ANKRD30B: variants seen among roughly 807,000 people sequenced by gnomAD.
ANKRD30B encodes ankyrin repeat domain 30B, also known as ankyrin repeat domain-containing protein 30B.
Under a neutral mutation model 202.2 loss-of-function variants are expected in ANKRD30B, and 144 were observed. The ratio of observed to expected loss-of-function variants is 0.71; its 90% confidence interval spans 0.62 to 0.82. ANKRD30B has a LOEUF of 0.82. Ranked by LOEUF, ANKRD30B falls within the 40% of genes least tolerant of loss-of-function variation. ANKRD30B has a pLI of 0.00. For missense variants in ANKRD30B, 1,487 were observed against 1,669.1 expected (o/e 0.89, Z 1.90); for synonymous variants, 508 against 561.3 (o/e 0.91, Z 1.34).
chr18:14,830,842 T>TCA, intron 33 of ANKRD30B, among the ~76,000 whole-genome samples: 1 of 152,256 alleles, frequency 6.6e-6, no homozygotes, highest in South Asian at 2.1e-4. Context: ...CATTGGATGT[T>TCA]ACAGGTTGGA....
chr18:14,935,224 G>A, the ANKRD30B span, among the ~76,000 whole-genome samples: 1 of 152,232 alleles, frequency 6.6e-6, no homozygotes, highest in Non-Finnish European at 1.5e-5. Flanking sequence ...AATGGAGAGG[G>A]GTATGTAAGA....
chr18:14,884,439 C>A, the ANKRD30B span, among the ~76,000 whole-genome samples: 2 of 151,914 alleles, frequency 1.3e-5, no homozygotes, highest in African/African-American at 4.8e-5. Context: ...TATGAGAAAA[C>A]AAATATTTGT....
At chr18:14,819,015 C>T (rs1433042435) in intron 30 of ANKRD30B, among the ~76,000 whole-genome samples, 1 of 152,186 alleles carries the variant, frequency 6.6e-6, no homozygotes, top group East Asian at 1.9e-4. Flanking sequence ...ACATCCTCTC[C>T]AGCACCTGTG....
At chr18:14,865,232 C>T in the ANKRD30B span, among the ~76,000 whole-genome samples, 1 of 151,808 alleles carries the variant, frequency 6.6e-6, no homozygotes, top group African/African-American at 2.4e-5. Context: ...CCCTCTTTAT[C>T]CTTCTCCCAC....
the ANKRD30B span, among the ~76,000 whole-genome samples, chr18:14,925,018 T>G: frequency 6.6e-6 from 1 of 152,214 alleles, no homozygotes; most frequent in South Asian, 2.1e-4. Context: ...GGGCAGAATT[T>G]CCAAAGGCTT....
intron 15 of ANKRD30B, among the ~76,000 whole-genome samples, chr18:14,788,185 G>C (rs1819975154): frequency 6.6e-6 from 1 of 152,098 alleles, no homozygotes; most frequent in Non-Finnish European, 1.5e-5. Context: ...AGTAGAAAAT[G>C]TATTGTATTT....
Position 14,757,866 on chromosome 18 carries a change from G to T in ANKRD30B, c.669G>T (p.Met223Ile), listed in dbSNP as rs778232290. The T allele has an allele frequency of 1.2e-5, 20 of 1,613,664 alleles. No individual in the cohort carries two copies. The highest frequency in any genetic ancestry group is 1.6e-5 in the Non-Finnish European group (19 of 1,179,886). ...ICEGSSEIVG[M>I]LLQQNVDVFA... is the part of the protein sequence containing the mutation. ...AAGGCTCATCAGAGATAGTCGGCAT[G>T]CTTCTTCAGCAAAATGTTGACGTCT... Residue 223 changes from methionine to isoleucine, a missense_variant, in exon 5 of 44, where the codon ATG (methionine) becomes ATT (isoleucine). Met to Ile is a conservative substitution (Grantham distance 10). Around this residue, in one of 6 missense-constraint regions of ANKRD30B, gnomAD observed 889 missense variants for 841.4 expected, o/e 1.06. Coordinates refer to ENST00000690538, the MANE Select transcript of ANKRD30B (RefSeq NM_001367607.2).
chr18:14,794,646 G>A (rs1968751234), intron 16 of ANKRD30B, among the ~76,000 whole-genome samples: 1 of 152,086 alleles, frequency 6.6e-6, no homozygotes, highest in African/African-American at 2.4e-5. Flanking sequence ...AATTAAAGCG[G>A]GTTTTTATTT....
chr18:14,794,809 A>G (rs1968764184), intron 16 of ANKRD30B, among the ~76,000 whole-genome samples: 1 of 152,174 alleles, frequency 6.6e-6, no homozygotes, highest in African/African-American at 2.4e-5. Flanking sequence ...TGATCAATCA[A>G]CTCCAAAGGA....
At chr18:14,833,228 G>T (rs1971030107) in intron 34 of ANKRD30B, among the ~76,000 whole-genome samples, 1 of 149,794 alleles carries the variant, frequency 6.7e-6, no homozygotes, top group African/African-American at 2.5e-5. Context: ...GAACCACCGC[G>T]TCCAGCCGAA....
chr18:14,797,127 A>G (rs1317763068), intron 18 of ANKRD30B, among the ~76,000 whole-genome samples: 1 of 152,158 alleles, frequency 6.6e-6, no homozygotes, highest in East Asian at 1.9e-4. Context: ...AGAAGGGAGT[A>G]TGCCTTAACC....
At chr18:14,753,637 T>C (rs552002197) in intron 3 of ANKRD30B, among the ~76,000 whole-genome samples, 1 of 152,300 alleles carries the variant, frequency 6.6e-6, no homozygotes, top group South Asian at 2.1e-4. Context: ...TTTACATTAA[T>C]TCATTAATAC....
intron 26 of ANKRD30B, 95 bp downstream of exon 26, chr18:14,808,839 A>C: frequency 1.6e-6 from 2 of 1,249,582 alleles, no homozygotes. Flanking sequence ...TTTTCTTTAG[A>C]AAATTTGGTG....
At chr18:14,854,063 A>G (rs1971993092) in intron 43 of ANKRD30B, among the ~76,000 whole-genome samples, 120 bp downstream of exon 43, 1 of 152,226 alleles carries the variant, frequency 6.6e-6, no homozygotes, top group Non-Finnish European at 1.5e-5. Context: ...TTATGATACT[A>G]ATATCCACAG....
At chr18:14,897,056 G>T in the ANKRD30B span, among the ~76,000 whole-genome samples, 1 of 151,460 alleles carries the variant, frequency 6.6e-6, no homozygotes, top group Admixed American at 6.6e-5. Flanking sequence ...GCTTGAATTA[G>T]ATCTTGATGG....
At chr18:14,824,038 G>A (rs1970565167) in intron 32 of ANKRD30B, among the ~76,000 whole-genome samples, 1 of 152,014 alleles carries the variant, frequency 6.6e-6, no homozygotes, top group Non-Finnish European at 1.5e-5. Context: ...TCTAGACTAT[G>A]TCTAGAATTT....
chr18:14,865,425 C>T, the ANKRD30B span, among the ~76,000 whole-genome samples: 1 of 151,308 alleles, frequency 6.6e-6, no homozygotes, highest in Non-Finnish European at 1.5e-5. Context: ...TACCTACAGT[C>T]TTCTTTCCCT....
chr18:14,902,855 G>C, the ANKRD30B span, among the ~76,000 whole-genome samples: 1 of 152,182 alleles, frequency 6.6e-6, no homozygotes, highest in East Asian at 1.9e-4. Flanking sequence ...GATACTAGAA[G>C]CTGCAATCTC....
At position 14,840,876 on chromosome 18, in the gene ANKRD30B, A is replaced by G. The variant is rs145990664; in HGVS notation, c.3079+198A>G. Among the ~76,000 whole-genome samples the G allele has an allele frequency of 5.6e-3, 852 of 152,344 alleles. 7 individuals are homozygous for G. Among genetic ancestry groups the G allele is most frequent in the African/African-American group, 0.02 (826 of 41,580 alleles). ...AGTGCCAAAAAAGAGCTGAATTATTAGTTTAAATTCAACATACTCTAAGAC... is the reference window on the plus strand; with the variant it reads ...AGTGCCAAAAAAGAGCTGAATTATTGGTTTAAATTCAACATACTCTAAGAC... On this transcript the variant is annotated intron_variant, in intron 37 of 43. Coordinates refer to ENST00000690538, the MANE Select transcript of ANKRD30B (RefSeq NM_001367607.2).
Sources: gnomAD v4.1 joint callset for allele counts (sites outside exome capture counted in the v4.1 genomes callset) on GRCh38, gnomAD v4.1.1 for gene constraint, gnomAD v4.1.1 regional missense constraint, MANE v1.5 for transcripts, NCBI Gene and HGNC (gene_info 2026-07-23, HGNC 2026-07-21) for gene names.